Variants in SLC25A21 observed in about 807,000 individuals in gnomAD.
The protein encoded by SLC25A21 is mitochondrial 2-oxodicarboxylate carrier.
A neutral mutation model predicts 43.8 loss-of-function variants in SLC25A21; 47 were observed. That is an observed-to-expected ratio of 1.07 (90% CI 0.85 to 1.37). The LOEUF is 1.37. Ranked by LOEUF, SLC25A21 falls within the 40% of genes most tolerant of loss-of-function variation. The pLI is 0.00. For missense variants in SLC25A21, 352 were observed against 350.2 expected (o/e 1.00, Z -0.04); for synonymous variants, 131 against 121.3 (o/e 1.08, Z -0.52).
intron 1 of SLC25A21, among the ~76,000 whole-genome samples, chr14:36,926,855 T>C (rs1305927555): frequency 6.6e-6 from 1 of 152,124 alleles, no homozygotes; most frequent in Non-Finnish European, 1.5e-5. Flanking sequence ...CTATAGTAAT[T>C]CTGTATCACT....
At position 37,101,882 on chromosome 14, in the gene SLC25A21, T is replaced by G. The variant is rs138665098; in HGVS notation, c.70+70399A>C. ...ATTTTGTTCTTGATAAAGAAGACTG[T>G]ACCAGTTCTGACTTTTATTGACTTT... On this transcript the variant is annotated intron_variant, in intron 1 of 9. Transcript: ENST00000331299. 2.5e-3 allele frequency among the ~76,000 whole-genome samples: 381 copies of G among 152,308 alleles called. 1 individual carries two copies. Among genetic ancestry groups the G allele is most frequent in the African/African-American group, 9.0e-3 (373 of 41,584 alleles).
intron 1 of SLC25A21, among the ~76,000 whole-genome samples, chr14:37,129,435 C>A (rs1235592836): frequency 6.6e-6 from 1 of 151,998 alleles, no homozygotes; most frequent in African/African-American, 2.4e-5. Context: ...CATGATGTTC[C>A]CCCTTCAGCA....
intron 1 of SLC25A21, among the ~76,000 whole-genome samples, chr14:37,074,412 C>T (rs571141693): frequency 2.6e-5 from 4 of 152,314 alleles, no homozygotes; most frequent in East Asian, 1.9e-4. Context: ...TCTCCAAATC[C>T]GCTCTTTTCT....
intron 1 of SLC25A21, among the ~76,000 whole-genome samples, chr14:37,007,593 C>A (rs8013390): frequency 0.45 from 67,116 of 150,758 alleles, 18,098 homozygotes; most frequent in African/African-American, 0.77. Context: ...ACAAGACTCC[C>A]TCTCAAAAAT....
intron 3 of SLC25A21, among the ~76,000 whole-genome samples, chr14:36,769,490 C>T (rs1886540099): frequency 6.6e-6 from 1 of 152,122 alleles, no homozygotes; most frequent in Admixed American, 6.5e-5. Context: ...ATTAAAAATA[C>T]TAGTGATTAC....
chr14:37,094,239 A>G (rs910189716), intron 1 of SLC25A21, among the ~76,000 whole-genome samples: 1 of 152,176 alleles, frequency 6.6e-6, no homozygotes, highest in Non-Finnish European at 1.5e-5. Flanking sequence ...CTAGATAGTC[A>G]TCCTGTGATC....
intron 6 of SLC25A21, among the ~76,000 whole-genome samples, chr14:36,718,121 T>C (rs1166729565): frequency 1.3e-5 from 2 of 152,168 alleles, no homozygotes; most frequent in East Asian, 3.8e-4. Flanking sequence ...ATATAGTAGA[T>C]ATTCTGTAAA....
chr14:36,702,097 G>A (rs1483115745), intron 7 of SLC25A21, among the ~76,000 whole-genome samples: 2 of 152,146 alleles, frequency 1.3e-5, no homozygotes, highest in Non-Finnish European at 2.9e-5. Context: ...TTTAAGGGGA[G>A]TAAGTTGCCT....
At chr14:36,876,733 G>GT (rs1181943706) in intron 1 of SLC25A21, among the ~76,000 whole-genome samples, 5 of 151,808 alleles carry the variant, frequency 3.3e-5, no homozygotes, top group African/African-American at 1.2e-4. Flanking sequence ...TTCCTTATCT[G>GT]TAAAGCAAAA....
chr14:37,168,195 C>A (rs1253296985), intron 1 of SLC25A21, among the ~76,000 whole-genome samples: 1 of 152,040 alleles, frequency 6.6e-6, no homozygotes, highest in East Asian at 1.9e-4. Flanking sequence ...TCATTCTCAT[C>A]TTTAACCCCT....
chr14:36,690,569 G>A (rs144186692), intron 7 of SLC25A21, among the ~76,000 whole-genome samples: 81 of 152,224 alleles, frequency 5.3e-4, no homozygotes, highest in African/African-American at 1.9e-3. Flanking sequence ...ATATTTATTG[G>A]GTGTCTTTAT....
intron 1 of SLC25A21, among the ~76,000 whole-genome samples, chr14:37,138,585 A>G (rs1963521129): frequency 1.3e-5 from 2 of 152,060 alleles, no homozygotes; most frequent in African/African-American, 2.4e-5. Context: ...GTTCATATAC[A>G]TTAATTTATT....
chr14:36,769,376 G>A (rs995037725), intron 3 of SLC25A21, among the ~76,000 whole-genome samples: 15 of 152,312 alleles, frequency 9.8e-5, no homozygotes, highest in Admixed American at 5.9e-4. Flanking sequence ...TCTTGAAAGA[G>A]TTGTCAATAG....
intron 1 of SLC25A21, among the ~76,000 whole-genome samples, chr14:36,905,721 A>G (rs1335312619): frequency 6.6e-6 from 1 of 152,180 alleles, no homozygotes; most frequent in African/African-American, 2.4e-5. Context: ...GGCTAGCAAC[A>G]TAAAAAGCAG....
At chr14:36,932,216 C>G (rs1422510507) in intron 1 of SLC25A21, among the ~76,000 whole-genome samples, 1 of 152,072 alleles carries the variant, frequency 6.6e-6, no homozygotes, top group Non-Finnish European at 1.5e-5. Context: ...TCAATTTCCT[C>G]CTCTATTAAA....
At chr14:37,073,975 C>A (rs879850123) in intron 1 of SLC25A21, among the ~76,000 whole-genome samples, 11 of 151,514 alleles carry the variant, frequency 7.3e-5, no homozygotes, top group Admixed American at 5.2e-4. Flanking sequence ...AACATCCCTA[C>A]AAAGCTCTAG....
intron 1 of SLC25A21, among the ~76,000 whole-genome samples, chr14:36,917,651 TACA>T (rs753168195): frequency 6.6e-6 from 1 of 152,122 alleles, no homozygotes; most frequent in Non-Finnish European, 1.5e-5. Context: ...GATTCAAAGC[TACA>T]ACAATAGGAC....
chr14:36,748,558 G>A (rs1269826313), intron 3 of SLC25A21, among the ~76,000 whole-genome samples: 3 of 152,150 alleles, frequency 2.0e-5, no homozygotes, highest in African/African-American at 7.2e-5. Flanking sequence ...TATTATCAAT[G>A]AATAAATAAG....
chr14:36,963,709 G>A (rs940464878), intron 1 of SLC25A21, among the ~76,000 whole-genome samples: 3 of 152,062 alleles, frequency 2.0e-5, no homozygotes, highest in African/African-American at 7.2e-5. Flanking sequence ...GCCAGGCCAG[G>A]CTTGCTCCGA....
Sources: gnomAD v4.1 joint callset for allele counts (sites outside exome capture counted in the v4.1 genomes callset) on GRCh38, gnomAD v4.1.1 for gene constraint, MANE v1.5 for transcripts, NCBI Gene and HGNC (gene_info 2026-07-23, HGNC 2026-07-21) for gene names.